The following PTPRO variants were observed in gnomAD, a reference collection of about 807,000 sequenced individuals.
PTPRO encodes the protein receptor-type tyrosine-protein phosphatase O.
In PTPRO, 62 loss-of-function variants were observed where a neutral mutation model predicts 145.2. The ratio of observed to expected loss-of-function variants is 0.43; its 90% CI spans 0.35 to 0.53. The LOEUF (loss-of-function observed/expected upper bound fraction) is 0.53, where lower values mean the gene tolerates loss of function less well. Among genes scored for constraint, PTPRO ranks in the 20% least tolerant of loss-of-function variants. The pLI is 0.01. For missense variants in PTPRO, 1,345 were observed against 1,482.7 expected (o/e 0.91, Z 1.53); for synonymous variants, 565 against 514.7 (o/e 1.10, Z -1.32).
chr12:15,516,635 AAGGG>A (rs534560313), intron 8 of PTPRO, 124 bp from the exon 9 acceptor site: 26 of 688,726 alleles, frequency 3.8e-5, no homozygotes, highest in East Asian at 2.7e-4. Flanking sequence ...GGAAGGAAGG[AAGGG>A]AGGGAGGGAG....
intron 10 of PTPRO, among the ~76,000 whole-genome samples, chr12:15,524,409 A>T (rs973975145): frequency 2.6e-5 from 4 of 152,158 alleles, no homozygotes; most frequent in African/African-American, 9.7e-5. Flanking sequence ...AATGAAAGAG[A>T]CTTAGTTTGC....
intron 15 of PTPRO, among the ~76,000 whole-genome samples, chr12:15,552,821 A>T: frequency 3.3e-5 from 2 of 60,170 alleles, no homozygotes; most frequent in African/African-American, 1.2e-4. Flanking sequence ...TTTTTTTGAG[A>T]CAGAGTCTCA....
At chr12:15,559,975 A>G (rs1022431377) in intron 16 of PTPRO, among the ~76,000 whole-genome samples, 31 of 152,180 alleles carry the variant, frequency 2.0e-4, no homozygotes, top group African/African-American at 7.5e-4. Flanking sequence ...TCTGATTACA[A>G]TAAGGTCATG....
At chr12:15,420,101 C>A (rs1446441471) in intron 1 of PTPRO, among the ~76,000 whole-genome samples, 1 of 131,208 alleles carries the variant, frequency 7.6e-6, no homozygotes, top group Non-Finnish European at 1.5e-5. Context: ...GAGCGGAGAT[C>A]GCACCACTGC....
chr12:15,466,183 T>C (rs1360486932), intron 1 of PTPRO, among the ~76,000 whole-genome samples: 1 of 152,228 alleles, frequency 6.6e-6, no homozygotes. Flanking sequence ...GTTGTTTTCA[T>C]AATTCTATTG....
intron 1 of PTPRO, among the ~76,000 whole-genome samples, chr12:15,476,380 T>C (rs971522830): frequency 6.6e-6 from 1 of 152,144 alleles, no homozygotes. Flanking sequence ...AAATGCATTG[T>C]TCATGTCCTT....
chr12:15,520,395 C>T (rs1942691092), intron 10 of PTPRO, 83 bp downstream of exon 10: 1 of 981,210 alleles, frequency 1.0e-6, no homozygotes, highest in Non-Finnish European at 1.6e-6. Context: ...CTAGAAAGTG[C>T]CAGTCATTCA....
intron 1 of PTPRO, among the ~76,000 whole-genome samples, chr12:15,398,345 G>A (rs1003824530): frequency 6.6e-6 from 1 of 152,148 alleles, no homozygotes; most frequent in African/African-American, 2.4e-5. Flanking sequence ...GCACCCTGAA[G>A]AAAGTCTTGT....
intron 1 of PTPRO, among the ~76,000 whole-genome samples, chr12:15,399,846 T>C (rs923119912): frequency 1.3e-5 from 2 of 151,344 alleles, no homozygotes; most frequent in Admixed American, 1.3e-4. Context: ...AGGTCAGGGG[T>C]TCGAGACCAA....
chr12:15,494,259 T>G (rs1486833019), intron 2 of PTPRO, among the ~76,000 whole-genome samples: 1 of 152,148 alleles, frequency 6.6e-6, no homozygotes, highest in Admixed American at 6.5e-5. Flanking sequence ...AGATATTAAG[T>G]GATTCACCTT....
At chr12:15,460,948 C>T (rs1248145226) in intron 1 of PTPRO, among the ~76,000 whole-genome samples, 4 of 152,182 alleles carry the variant, frequency 2.6e-5, no homozygotes, top group Non-Finnish European at 5.9e-5. Flanking sequence ...CAGGCCCCAA[C>T]CATCTAAATG....
intron 1 of PTPRO, among the ~76,000 whole-genome samples, chr12:15,371,380 C>A (rs370810559): frequency 1.5e-3 from 229 of 152,072 alleles, no homozygotes; most frequent in African/African-American, 5.4e-3. Flanking sequence ...TACAGGCACC[C>A]GCCACCACGC....
At chr12:15,405,540 A>G (rs929503589) in intron 1 of PTPRO, among the ~76,000 whole-genome samples, 1 of 152,140 alleles carries the variant, frequency 6.6e-6, no homozygotes, top group Admixed American at 6.5e-5. Context: ...AAAAGGCATT[A>G]TTTTCTAATT....
At chr12:15,567,220 C>A (rs565631456) in intron 18 of PTPRO, among the ~76,000 whole-genome samples, 1 of 152,222 alleles carries the variant, frequency 6.6e-6, no homozygotes, top group South Asian at 2.1e-4. Context: ...CTCCTCTCTC[C>A]TTCTCTAGAA....
At chr12:15,592,078 A>G (rs778630729) in intron 25 of PTPRO, among the ~76,000 whole-genome samples, 6 of 151,632 alleles carry the variant, frequency 4.0e-5, no homozygotes, top group Admixed American at 6.6e-5. Context: ...CCAGTTATTT[A>G]TCTGTGTCTT....
intron 23 of PTPRO, among the ~76,000 whole-genome samples, chr12:15,584,022 C>T (rs1205003681): frequency 6.6e-6 from 1 of 152,054 alleles, no homozygotes; most frequent in Admixed American, 6.6e-5. Flanking sequence ...TAAGTGTCAC[C>T]CCCTTTGTGG....
At chr12:15,587,307 T>G (rs1025256894) in intron 24 of PTPRO, 9 of 460,086 alleles carry the variant, frequency 2.0e-5, no homozygotes, top group Non-Finnish European at 2.8e-5. Flanking sequence ...TGTTAAGGGA[T>G]TCACACAAGT....
chr12:15,407,822 G>A (rs12581973), intron 1 of PTPRO, among the ~76,000 whole-genome samples: 9,697 of 152,238 alleles, frequency 0.064, 332 homozygotes, highest in Non-Finnish European at 0.068. Context: ...TTGTGTGAGA[G>A]ACTTGAAACG....
intron 3 of PTPRO, among the ~76,000 whole-genome samples, chr12:15,498,016 A>T (rs1174940513): frequency 6.8e-6 from 1 of 146,830 alleles, no homozygotes; most frequent in East Asian, 2.1e-4. Flanking sequence ...AAGAGAGGGC[A>T]TTCAGTTTCA....
Sources: gnomAD v4.1 joint callset for allele counts (sites outside exome capture counted in the v4.1 genomes callset) on GRCh38, gnomAD v4.1.1 for gene constraint, MANE v1.5 for transcripts, NCBI Gene and HGNC (gene_info 2026-07-23, HGNC 2026-07-21) for gene names.